Variants in TNNI3K observed in about 807,000 individuals in gnomAD.
TNNI3K encodes the protein serine/threonine-protein kinase TNNI3K.
Under a neutral mutation model 114.5 loss-of-function variants are expected in TNNI3K, and 140 were observed. The observed-to-expected ratio is 1.22, with a 90% CI of 1.07 to 1.41. TNNI3K has a LOEUF of 1.41. Among genes scored for constraint, TNNI3K ranks in the 40% most tolerant of loss-of-function variants. The pLI is 0.00. For missense variants in TNNI3K, 1,125 were observed against 1,007.6 expected (o/e 1.12, Z -1.58); for synonymous variants, 347 against 347.5 (o/e 1.00, Z 0.02).
chr1:74,290,465 G>C (rs937950568), intron 5 of TNNI3K, among the ~76,000 whole-genome samples: 1 of 151,480 alleles, frequency 6.6e-6, no homozygotes, highest in Admixed American at 6.6e-5. Flanking sequence ...TTTATTTTAC[G>C]AAAATAATAA....
intron 5 of TNNI3K, among the ~76,000 whole-genome samples, chr1:74,311,940 G>A (rs903945619): frequency 4.6e-5 from 7 of 152,068 alleles, no homozygotes; most frequent in Non-Finnish European, 1.0e-4. Context: ...TTTGTATTAT[G>A]CCTCATTAAC....
intron 11 of TNNI3K, among the ~76,000 whole-genome samples, chr1:74,358,808 C>A (rs1171148373): frequency 6.6e-6 from 1 of 150,562 alleles, no homozygotes; most frequent in African/African-American, 2.4e-5. Flanking sequence ...AATGGAAAAA[C>A]CTTCATCATT....
intron 5 of TNNI3K, among the ~76,000 whole-genome samples, chr1:74,277,811 T>C (rs1432985092): frequency 6.6e-6 from 1 of 152,218 alleles, no homozygotes; most frequent in Non-Finnish European, 1.5e-5. Flanking sequence ...TGTACTTTCA[T>C]ATACACCTTG....
intron 11 of TNNI3K, among the ~76,000 whole-genome samples, chr1:74,356,820 C>G (rs185178743): frequency 6.6e-6 from 1 of 152,196 alleles, no homozygotes; most frequent in Non-Finnish European, 1.5e-5. Context: ...CTGGCCTCTT[C>G]AACATATGCT....
chr1:74,408,325 C>A (rs1664717150), intron 17 of TNNI3K, among the ~76,000 whole-genome samples: 1 of 152,132 alleles, frequency 6.6e-6, no homozygotes, highest in Admixed American at 6.5e-5. Flanking sequence ...CCTGTTAGCC[C>A]ATGGACTAAA....
intron 17 of TNNI3K, among the ~76,000 whole-genome samples, chr1:74,377,625 T>A (rs1271162779): frequency 6.6e-6 from 1 of 152,106 alleles, no homozygotes; most frequent in Non-Finnish European, 1.5e-5. Flanking sequence ...GTACATATTC[T>A]ATATTAGTCT....
intron 17 of TNNI3K, among the ~76,000 whole-genome samples, chr1:74,398,433 T>A (rs572487785): frequency 1.3e-5 from 2 of 152,192 alleles, no homozygotes; most frequent in East Asian, 3.9e-4. Context: ...TAAATAAGTG[T>A]GTGGGGGTTG....
chr1:74,243,467 G>A (rs1270107121), intron 2 of TNNI3K, among the ~76,000 whole-genome samples: 1 of 152,102 alleles, frequency 6.6e-6, no homozygotes, highest in African/African-American at 2.4e-5. Flanking sequence ...TACATTCTTG[G>A]CTTTTCCCTA....
chr1:74,407,190 A>C (rs1157761951), intron 17 of TNNI3K, among the ~76,000 whole-genome samples: 1 of 152,214 alleles, frequency 6.6e-6, no homozygotes, highest in Non-Finnish European at 1.5e-5. Flanking sequence ...AAATGAAAAA[A>C]TATTCAGCTA....
In TNNI3K at chr1:74,249,912, G is replaced by C. The variant is rs1471843796; in HGVS notation, c.235+368G>C. Among the ~76,000 whole-genome samples the C allele has an allele frequency of 2.0e-5, 3 of 152,176 alleles. No individual in the cohort carries two copies. The East Asian group carries it at 5.8e-4, about 29-fold the overall frequency. Reference sequence around the variant, plus strand: ...TTCACAATATTCAACAAGAGTATGTGGAAAAGTGATAAATGCCAAAGATAA... The same window carrying C: ...TTCACAATATTCAACAAGAGTATGTCGAAAAGTGATAAATGCCAAAGATAA... On this transcript the variant is annotated intron_variant, in intron 3 of 24. Transcript: ENST00000326637.
At chr1:74,270,064 C>T (rs985653900) in intron 4 of TNNI3K, among the ~76,000 whole-genome samples, 6 of 151,914 alleles carry the variant, frequency 3.9e-5, no homozygotes, top group South Asian at 4.2e-4. Flanking sequence ...GAAGTGATTT[C>T]GGGAGACTGG....
chr1:74,328,104 A>C (rs1660010304), intron 5 of TNNI3K, among the ~76,000 whole-genome samples: 1 of 152,136 alleles, frequency 6.6e-6, no homozygotes, highest in Admixed American at 6.5e-5. Flanking sequence ...CATATAATTA[A>C]GTCCTAATTA....
At chr1:74,478,889 T>C (rs1430250635) in intron 21 of TNNI3K, among the ~76,000 whole-genome samples, 1 of 152,222 alleles carries the variant, frequency 6.6e-6, no homozygotes, top group Non-Finnish European at 1.5e-5. Flanking sequence ...CACATACAAT[T>C]ACTGACATAG....
chr1:74,436,011 G>A, intron 17 of TNNI3K, 69 bp from the exon 18 acceptor site: 1 of 1,551,206 alleles, frequency 6.4e-7, no homozygotes, highest in Non-Finnish European at 8.7e-7. Context: ...TCTTCTTTGA[G>A]GGGCCAATTA....
chr1:74,404,771 C>T (rs1362236898), intron 17 of TNNI3K, among the ~76,000 whole-genome samples: 1 of 152,142 alleles, frequency 6.6e-6, no homozygotes, highest in Non-Finnish European at 1.5e-5. Context: ...AATTGTGGCT[C>T]TGATTCTTAT....
chr1:74,423,658 C>T (rs1369638249), intron 17 of TNNI3K, among the ~76,000 whole-genome samples: 2 of 152,082 alleles, frequency 1.3e-5, no homozygotes, highest in Non-Finnish European at 2.9e-5. Context: ...GTTGCTTAAC[C>T]TTTCTTTGAT....
intron 13 of TNNI3K, 181 bp from the exon 14 acceptor site, chr1:74,368,841 G>A (rs984723450): frequency 3.7e-6 from 2 of 542,318 alleles, no homozygotes; most frequent in East Asian, 3.2e-5. Flanking sequence ...TTAATGCAGG[G>A]GGGTAGGGAT....
chr1:74,424,047 C>T lies in TNNI3K; in HGVS notation c.1773-12033C>T, dbSNP rs542449306. Among the ~76,000 whole-genome samples the T allele has an allele frequency of 1.1e-3, 167 of 147,922 alleles. 1 individual carries two copies. The highest frequency in any genetic ancestry group is 1.4e-3 in the Non-Finnish European group (92 of 66,762). On this transcript the variant is annotated intron_variant, in intron 17 of 24. Coordinates refer to ENST00000326637, the MANE Select transcript of TNNI3K (RefSeq NM_015978.3). ...GTGCACACTATCGAATTGAGTAATA[C>T]CTAAAAAGCATAATGGACACATTAG...
At chr1:74,464,350 C>T (rs181522189) in intron 21 of TNNI3K, among the ~76,000 whole-genome samples, 1 of 152,140 alleles carries the variant, frequency 6.6e-6, no homozygotes, top group Non-Finnish European at 1.5e-5. Flanking sequence ...TGATATCAAT[C>T]GATTCCATTG....
Sources: gnomAD v4.1 joint callset for allele counts (sites outside exome capture counted in the v4.1 genomes callset) on GRCh38, gnomAD v4.1.1 for gene constraint, MANE v1.5 for transcripts, NCBI Gene and HGNC (gene_info 2026-07-23, HGNC 2026-07-21) for gene names.